RTKN2: variants seen among roughly 807,000 people sequenced by gnomAD.
The protein encoded by RTKN2 is rhotekin-2.
A neutral mutation model predicts 71.5 loss-of-function variants in RTKN2; 69 were observed. The ratio of observed to expected loss-of-function variants is 0.96; its 90% confidence interval spans 0.79 to 1.18. The LOEUF (loss-of-function observed/expected upper bound fraction) is 1.18. RTKN2 is among the 50% of genes most tolerant of loss of function. The probability of loss-of-function intolerance (pLI) is 0.00; values close to 1 mark genes in which losing one functional copy is unlikely to be tolerated. For missense variants in RTKN2, 724 were observed against 719.7 expected (o/e 1.01, Z -0.07); for synonymous variants, 236 against 236.5 (o/e 1.00, Z 0.02).
chr10:62,268,456 G>GGA, intron 1 of RTKN2, 95 bp downstream of exon 1: 1 of 1,164,400 alleles, frequency 8.6e-7, no homozygotes, highest in Non-Finnish European at 1.3e-6. Context: ...GAGGAGCGGG[G>GGA]GAGAGGCTTT....
At position 62,198,266 on chromosome 10, in the gene RTKN2, C is replaced by G; in HGVS notation, c.1472G>C (p.Ser491Thr). ...CCCTTTTTCATCATGTAATGGCTCA[C>G]TTGCAGGATACAGTACCTTTTTCTG... The part of the protein sequence containing the change: ...VIQKKVLYPA[S>T]EPLHDEKGKK... Residue 491 changes from serine (S) to threonine (T), a missense_variant, in exon 12 of 12, where the codon AGT becomes ACT. By Grantham distance (58) the Ser-to-Thr change is moderately conservative. Transcript: ENST00000373789. The G allele has an allele frequency of 6.2e-7, 1 of 1,613,932 alleles. No homozygotes were observed. Among genetic ancestry groups the G allele is most frequent in the Non-Finnish European group, 8.5e-7 (1 of 1,179,906 alleles).
chr10:62,205,009 C>A lies in RTKN2; in HGVS notation c.1034G>T (p.Arg345Leu). 6.3e-7 allele frequency: 1 copy of A among 1,579,920 alleles called. No homozygotes were observed. Residue 345 changes from arginine to leucine, a missense_variant, in exon 10 of 12, where the codon CGG becomes CTG. Arg to Leu is a moderately radical substitution (Grantham distance 102). Coordinates refer to ENST00000373789, the MANE Select transcript of RTKN2 (RefSeq NM_145307.4). The stretch of plus-strand genomic sequence containing the variant: ...TTTCTTGGCATCCTTATCCATTGCC[C>A]GGATTCTGGTTTCCTAAAAATTAAG... ...VVPINKETRI[R>L]AMDKDAKKRI...
At chr10:62,189,274 A>C (rs1037373817), downstream of RTKN2, among the ~76,000 whole-genome samples, 1 of 152,044 alleles carries the variant, frequency 6.6e-6, no homozygotes, top group African/African-American at 2.4e-5. Context: ...TTGCAACGAT[A>C]AAAAATGTCC....
intron 3 of RTKN2, among the ~76,000 whole-genome samples, chr10:62,241,457 GATTA>G (rs1308025593): frequency 6.6e-5 from 10 of 152,050 alleles, no homozygotes; most frequent in African/African-American, 1.4e-4. Flanking sequence ...CTTCCTTACT[GATTA>G]ATTATGACAT....
At chr10:62,225,054 CCT>C (rs1429752238) in intron 6 of RTKN2, among the ~76,000 whole-genome samples, 1 of 99,766 alleles carries the variant, frequency 1.0e-5, no homozygotes, top group African/African-American at 3.2e-5. Context: ...TAGCCATGAT[CCT>C]CTGAGTCCTT....
intron 1 of RTKN2, among the ~76,000 whole-genome samples, chr10:62,267,498 C>A (rs969487465): frequency 6.6e-6 from 1 of 152,202 alleles, no homozygotes; most frequent in African/African-American, 2.4e-5. Context: ...AAAAGTACAT[C>A]AAAATCTTTG....
Position 62,204,966 on chromosome 10 carries a change from A to C in RTKN2, c.1077T>G (p.Ser359=), listed in dbSNP as rs761007254. 2.5e-6 allele frequency: 4 copies of C among 1,600,842 alleles called. No homozygotes were observed. The highest frequency in any genetic ancestry group is 3.4e-6 in the Non-Finnish European group (4 of 1,175,692). Residue 359 remains serine (S), a synonymous_variant, in exon 10 of 12, where the codon TCT becomes TCG. Transcript: ENST00000373789. Reference sequence around the variant, plus strand: ...CTTGTCCAGGAACAGGATTGATGACAGAGAAATTATGGATTCTTTTCTTGG... The same window carrying C: ...CTTGTCCAGGAACAGGATTGATGACCGAGAAATTATGGATTCTTTTCTTGG... The part of the protein sequence containing the change: ...KDAKKRIHNF[S]VINPVPGQAI...
intron 10 of RTKN2, among the ~76,000 whole-genome samples, chr10:62,201,872 C>A (rs538507819): frequency 4.4e-4 from 67 of 152,036 alleles, no homozygotes; most frequent in Non-Finnish European, 7.8e-4. Context: ...TACATGATAG[C>A]CAATATGCTA....
intron 9 of RTKN2, among the ~76,000 whole-genome samples, chr10:62,212,860 A>G (rs765196048): frequency 6.6e-6 from 1 of 152,208 alleles, no homozygotes; most frequent in Non-Finnish European, 1.5e-5. Flanking sequence ...ATTTATCACT[A>G]TATGAGACAG....
In RTKN2 at chr10:62,218,182, AAAGTCCT is replaced by A. The variant is rs1395697563; in HGVS notation, c.888+6_888+12del. 1 of 1,543,776 alleles carries A rather than the reference AAAGTCCT, an allele frequency of 6.5e-7. No homozygotes were observed. Among genetic ancestry groups the A allele is most frequent in the South Asian group, 1.1e-5 (1 of 87,610 alleles). ...GAGCTACAATTGTTGTAGGATATTT[AAAGTCCT>A]CTAACCTGCTGATTAAGAAATCCTG... On this transcript the variant is annotated splice_donor_region_variant and intron_variant, in intron 8 of 11. Transcript: ENST00000373789.
chr10:62,253,870 A>C (rs1842625482), intron 2 of RTKN2, among the ~76,000 whole-genome samples: 1 of 152,150 alleles, frequency 6.6e-6, no homozygotes, highest in East Asian at 1.9e-4. Flanking sequence ...TCTCAAAAGC[A>C]TTATGCTGAA....
chr10:62,228,159 C>T (rs1842069755), intron 6 of RTKN2, among the ~76,000 whole-genome samples: 1 of 151,986 alleles, frequency 6.6e-6, no homozygotes, highest in South Asian at 2.1e-4. Context: ...TCAGTATATA[C>T]ATGAAATTTA....
intron 10 of RTKN2, among the ~76,000 whole-genome samples, chr10:62,201,947 A>G (rs1841451581): frequency 6.6e-6 from 1 of 152,198 alleles, no homozygotes; most frequent in South Asian, 2.1e-4. Flanking sequence ...AACAATTTAT[A>G]TATTGAAGAT....
chr10:62,213,902 T>C (rs1841714037), intron 9 of RTKN2, among the ~76,000 whole-genome samples: 1 of 152,052 alleles, frequency 6.6e-6, no homozygotes, highest in African/African-American at 2.4e-5. Flanking sequence ...ATAACAGTCA[T>C]GTTTTAGGAA....
At chr10:62,264,398 T>C (rs1422247350) in intron 1 of RTKN2, among the ~76,000 whole-genome samples, 1 of 152,250 alleles carries the variant, frequency 6.6e-6, no homozygotes, top group Non-Finnish European at 1.5e-5. Flanking sequence ...AATGTAGTCA[T>C]TTGCTGGTTT....
Position 62,199,722 on chromosome 10 carries a change from C to A in RTKN2, c.1294+32G>T, listed in dbSNP as rs776704988. On this transcript the variant is annotated intron_variant, in intron 11 of 11. Transcript: ENST00000373789. Reference sequence around the variant, plus strand: ...GTATGGACAATGTTGTTTTTGTTATCCTGCAGCTTAGAAAAGACAAACCCC... The same window carrying A: ...GTATGGACAATGTTGTTTTTGTTATACTGCAGCTTAGAAAAGACAAACCCC... 5 of 1,317,308 alleles carry A rather than the reference C, an allele frequency of 3.8e-6. No individual in the cohort carries two copies. In the East Asian group the frequency reaches 6.9e-5, roughly 18 times the overall value. The allele number at this position is 1,317,308 out of a possible 1,614,324, so 81.6% of individuals were successfully genotyped here. A position where few individuals can be genotyped will look rare whatever the true frequency, so the allele number is the denominator to read the frequency against.
intron 6 of RTKN2, among the ~76,000 whole-genome samples, chr10:62,231,912 T>C (rs1842156885): frequency 1.3e-5 from 2 of 152,168 alleles, no homozygotes; most frequent in African/African-American, 4.8e-5. Context: ...ACTCCTACCA[T>C]GGTGCTGAAG....
chr10:62,217,249 G>C lies in RTKN2; in HGVS notation c.889C>G (p.Gln297Glu). ...CAACTAATCAGACCTTCTACCATTT[G>C]CTGAAAAAAAAAAAAAAAAAATCAA... ...DAFAGFLNQQ[Q>E]MVEGLISWRR... Residue 297 changes from glutamine to glutamate, a missense_variant and splice_region_variant, in exon 9 of 12, where the codon CAA becomes GAA. Physicochemically the swap from Gln to Glu is conservative, Grantham distance 29 (BLOSUM62 2). Transcript: ENST00000373789. 1 of 1,402,434 alleles carries C rather than the reference G, an allele frequency of 7.1e-7. No individual in the cohort carries two copies. The highest frequency in any genetic ancestry group is 9.2e-7 in the Non-Finnish European group (1 of 1,086,778). The allele number at this position is 1,402,434 out of a possible 1,614,324, so 86.9% of individuals were successfully genotyped here. A position where few individuals can be genotyped will look rare whatever the true frequency, so the allele number is the denominator to read the frequency against.
chr10:62,192,880 T>C (rs1432411), downstream of RTKN2, among the ~76,000 whole-genome samples: 50,288 of 152,034 alleles, frequency 0.33, 9,463 homozygotes, highest in African/African-American at 0.52. Context: ...ATTGGAAGCA[T>C]ATTTTAAAAG....
Sources: allele counts gnomAD v4.1 joint callset (sites outside exome capture counted in the v4.1 genomes callset), GRCh38; gene constraint gnomAD v4.1.1; transcripts MANE v1.5; gene names NCBI Gene and HGNC (gene_info 2026-07-23, HGNC 2026-07-21).